FGF14: variants seen among roughly 807,000 people sequenced by gnomAD.
FGF14 encodes fibroblast growth factor homologous factor 4.
Under a neutral mutation model 25.5 loss-of-function variants are expected in FGF14, and 5 were observed. That is an observed-to-expected ratio of 0.20 (90% CI 0.10 to 0.41). The LOEUF (loss-of-function observed/expected upper bound fraction) is 0.41. FGF14 is among the 10% of genes least tolerant of loss of function. FGF14 has a pLI of 1.00. For missense variants in FGF14, 222 were observed against 320.1 expected (o/e 0.69, Z 2.34); for synonymous variants, 138 against 118.3 (o/e 1.17, Z -1.08).
chr13:102,088,600 A>C (rs1325433851), intron 1 of FGF14, among the ~76,000 whole-genome samples: 1 of 152,216 alleles, frequency 6.6e-6, no homozygotes, highest in Non-Finnish European at 1.5e-5. Flanking sequence ...CTGAGAAATC[A>C]AAGTCAATCC....
chr13:101,890,618 C>T (rs1220832056), intron 1 of FGF14, among the ~76,000 whole-genome samples: 1 of 152,168 alleles, frequency 6.6e-6, no homozygotes, highest in African/African-American at 2.4e-5. Flanking sequence ...CTCACACAAC[C>T]TCCATGTGGG....
At chr13:102,388,144 T>C (rs1459838034) in intron 1 of FGF14, among the ~76,000 whole-genome samples, 1 of 152,156 alleles carries the variant, frequency 6.6e-6, no homozygotes, top group African/African-American at 2.4e-5. Context: ...GTAGAAAACA[T>C]CATTTTGCAG....
At chr13:101,833,493 G>C (rs1223219988) in intron 3 of FGF14, among the ~76,000 whole-genome samples, 1 of 151,876 alleles carries the variant, frequency 6.6e-6, no homozygotes, top group Non-Finnish European at 1.5e-5. Flanking sequence ...AAAAAAATAA[G>C]GTCTACAAGT....
intron 1 of FGF14, among the ~76,000 whole-genome samples, chr13:102,222,023 T>C (rs1390864410): frequency 6.6e-6 from 1 of 152,146 alleles, no homozygotes; most frequent in African/African-American, 2.4e-5. Context: ...ACTTTTTGAT[T>C]CTCAAAAACT....
At chr13:101,730,909 C>T (rs1160385731) in intron 3 of FGF14, among the ~76,000 whole-genome samples, 1 of 152,164 alleles carries the variant, frequency 6.6e-6, no homozygotes, top group Non-Finnish European at 1.5e-5. Context: ...AAGCAGCCGT[C>T]CCTCACATGG....
intron 1 of FGF14, among the ~76,000 whole-genome samples, chr13:102,170,517 C>A (rs1364606878): frequency 6.6e-6 from 1 of 152,104 alleles, no homozygotes; most frequent in Admixed American, 6.6e-5. Context: ...TTTCTAAGTG[C>A]ATCTCCCATC....
intron 3 of FGF14, among the ~76,000 whole-genome samples, chr13:101,857,929 A>T (rs1367023542): frequency 6.6e-6 from 1 of 152,074 alleles, no homozygotes; most frequent in Non-Finnish European, 1.5e-5. Flanking sequence ...TATTTTGCCA[A>T]TTTTTAGTAT....
chr13:102,167,582 G>T (rs1026475170), intron 1 of FGF14, among the ~76,000 whole-genome samples: 2 of 152,016 alleles, frequency 1.3e-5, no homozygotes, highest in African/African-American at 4.8e-5. Context: ...TAATTTCTGT[G>T]TCTCTATGTG....
intron 1 of FGF14, among the ~76,000 whole-genome samples, chr13:102,134,153 C>G (rs1295599514): frequency 6.6e-6 from 1 of 152,158 alleles, no homozygotes; most frequent in Non-Finnish European, 1.5e-5. Flanking sequence ...AGACTAAAAT[C>G]TCTTCAGAAA....
At chr13:102,382,064 A>T (rs768487038) in intron 1 of FGF14, among the ~76,000 whole-genome samples, 4 of 152,194 alleles carry the variant, frequency 2.6e-5, no homozygotes, top group African/African-American at 4.8e-5. Context: ...AATCTTTATG[A>T]TCTTGGGTTA....
intron 1 of FGF14, among the ~76,000 whole-genome samples, chr13:102,381,351 G>A (rs1275473759): frequency 1.3e-5 from 2 of 152,164 alleles, no homozygotes; most frequent in African/African-American, 4.8e-5. Context: ...TTAAGAGGTG[G>A]AGCCTCTAGG....
intron 1 of FGF14, among the ~76,000 whole-genome samples, chr13:102,263,763 C>T (rs1682100236): frequency 6.6e-6 from 1 of 151,976 alleles, no homozygotes; most frequent in Non-Finnish European, 1.5e-5. Context: ...TAAGAAGTGA[C>T]CTATAGGGAA....
chr13:102,202,203 A>T (rs1433868602), intron 1 of FGF14, among the ~76,000 whole-genome samples: 1 of 152,170 alleles, frequency 6.6e-6, no homozygotes, highest in African/African-American at 2.4e-5. Context: ...TCTTTTCTTT[A>T]TAAGTTACCC....
At chr13:101,983,751 G>A (rs577369927) in intron 1 of FGF14, among the ~76,000 whole-genome samples, 12 of 152,252 alleles carry the variant, frequency 7.9e-5, no homozygotes, top group East Asian at 1.9e-4. Context: ...ACCCAGGGCC[G>A]TGCTGAGGCA....
chr13:102,185,025 G>A, intron 1 of FGF14, among the ~76,000 whole-genome samples: 1 of 151,956 alleles, frequency 6.6e-6, no homozygotes, highest in East Asian at 1.9e-4. Flanking sequence ...ATAATATAGG[G>A]AAATTTAATA....
chr13:102,062,254 A>C (rs1021972411), intron 1 of FGF14, among the ~76,000 whole-genome samples: 2 of 152,168 alleles, frequency 1.3e-5, no homozygotes, highest in Non-Finnish European at 2.9e-5. Context: ...AGATGGAGTT[A>C]AAATAGAAAA....
At chr13:102,374,162 C>A (rs1264144615) in intron 1 of FGF14, among the ~76,000 whole-genome samples, 1 of 152,062 alleles carries the variant, frequency 6.6e-6, no homozygotes, top group Non-Finnish European at 1.5e-5. Context: ...AGGAATACAT[C>A]GTTACAGTCA....
At chr13:102,328,134 A>C (rs2056521074) in intron 1 of FGF14, among the ~76,000 whole-genome samples, 1 of 152,172 alleles carries the variant, frequency 6.6e-6, no homozygotes, top group Non-Finnish European at 1.5e-5. Context: ...CTGGAATGAA[A>C]GGCAGTGAAG....
intron 1 of FGF14, among the ~76,000 whole-genome samples, chr13:102,278,272 C>T (rs777460535): frequency 2.6e-5 from 4 of 152,112 alleles, no homozygotes; most frequent in Non-Finnish European, 4.4e-5. Flanking sequence ...TGAGGTAAAA[C>T]GGTTTGTGCA....
Sources: gnomAD v4.1 joint callset for allele counts (sites outside exome capture counted in the v4.1 genomes callset) on GRCh38, gnomAD v4.1.1 for gene constraint, MANE v1.5 for transcripts, NCBI Gene and HGNC (gene_info 2026-07-23, HGNC 2026-07-21) for gene names.